Variants in CADM2 observed in about 807,000 individuals in gnomAD.
CADM2 encodes the protein cell adhesion molecule 2.
In CADM2, 12 loss-of-function variants were observed where a neutral mutation model predicts 49.8. The observed-to-expected ratio is 0.24, with a 90% CI of 0.15 to 0.39. The LOEUF (loss-of-function observed/expected upper bound fraction) is 0.39, where lower values mean the gene tolerates loss of function less well. Ranked by LOEUF, CADM2 falls within the 10% of genes least tolerant of loss-of-function variation. The probability of loss-of-function intolerance (pLI) is 1.00; values close to 1 mark genes in which losing one functional copy is unlikely to be tolerated. For synonymous variants in CADM2, 214 were observed against 175.4 expected (o/e 1.22, Z -1.74); for missense variants, 378 against 492.3 (o/e 0.77, Z 2.20).
At chr3:85,594,666 A>T (rs554682275) in intron 1 of CADM2, among the ~76,000 whole-genome samples, 1 of 152,128 alleles carries the variant, frequency 6.6e-6, no homozygotes, top group Admixed American at 6.6e-5. Context: ...ACAGAAATGC[A>T]AAAAGACAGA....
At position 85,961,516 on chromosome 3, in the gene CADM2, C is replaced by A; in HGVS notation, c.839C>A (p.Pro280His). ...WTKDGGELPD[P>H]DRMVVSGREL... ...AAGGATGGCGGAGAATTACCAGATC[C>A]TGACCGAATGGTTGTGAGTGGTAGG... The change falls in exon 8 of 10, where the codon CCT (proline) becomes CAT (histidine). Residue 280 changes from proline to histidine, a missense_variant. Coordinates refer to ENST00000383699, the MANE Select transcript of CADM2 (RefSeq NM_001167675.2). The A allele has an allele frequency of 6.2e-7, 1 of 1,607,414 alleles. No individual in the cohort carries two copies. Among genetic ancestry groups the A allele is most frequent in the Non-Finnish European group, 8.5e-7 (1 of 1,175,278 alleles).
intron 1 of CADM2, among the ~76,000 whole-genome samples, chr3:85,203,859 A>G (rs1458209480): frequency 1.3e-5 from 2 of 152,198 alleles, no homozygotes; most frequent in Non-Finnish European, 2.9e-5. Flanking sequence ...GTAATATGAA[A>G]TTGCCAATAA....
chr3:85,493,759 A>T (rs1011291069), intron 1 of CADM2, among the ~76,000 whole-genome samples: 2 of 152,174 alleles, frequency 1.3e-5, no homozygotes, highest in African/African-American at 4.8e-5. Context: ...TGCTGGTGTG[A>T]CTAAATTAAA....
intron 1 of CADM2, among the ~76,000 whole-genome samples, chr3:85,588,480 G>A (rs753411386): frequency 2.0e-5 from 3 of 152,004 alleles, no homozygotes; most frequent in South Asian, 2.1e-4. Context: ...CATTTTATAC[G>A]TTGAATTTAA....
At chr3:85,461,928 A>G (rs1231860776) in intron 1 of CADM2, among the ~76,000 whole-genome samples, 1 of 152,164 alleles carries the variant, frequency 6.6e-6, no homozygotes, top group Non-Finnish European at 1.5e-5. Flanking sequence ...AATGGCTATC[A>G]GGGGTCCGGA....
chr3:85,777,619 T>C (rs1332340648), intron 2 of CADM2, among the ~76,000 whole-genome samples: 1 of 152,180 alleles, frequency 6.6e-6, no homozygotes, highest in African/African-American at 2.4e-5. Context: ...TATATTCCTC[T>C]ACTATTCTTT....
At chr3:85,973,783 G>A (rs1330238599) in intron 8 of CADM2, among the ~76,000 whole-genome samples, 2 of 151,766 alleles carry the variant, frequency 1.3e-5, no homozygotes, top group African/African-American at 2.4e-5. Flanking sequence ...TCCCATAGCA[G>A]TATGTCATGA....
intron 1 of CADM2, among the ~76,000 whole-genome samples, chr3:85,193,762 C>T (rs2041270308): frequency 6.6e-6 from 1 of 152,082 alleles, no homozygotes; most frequent in African/African-American, 2.4e-5. Flanking sequence ...ATGTCTCCCT[C>T]TATTGTCCAC....
chr3:85,466,196 A>C (rs1257884825), intron 1 of CADM2, among the ~76,000 whole-genome samples: 1 of 152,134 alleles, frequency 6.6e-6, no homozygotes, highest in Non-Finnish European at 1.5e-5. Flanking sequence ...ATTATGTTAA[A>C]ATCTCATCTA....
intron 1 of CADM2, among the ~76,000 whole-genome samples, chr3:85,136,897 T>C (rs191299152): frequency 6.6e-6 from 1 of 152,122 alleles, no homozygotes; most frequent in Non-Finnish European, 1.5e-5. Flanking sequence ...TCAGTTTGCA[T>C]TGTAGCAACT....
intron 1 of CADM2, among the ~76,000 whole-genome samples, chr3:85,004,292 C>A (rs1283306009): frequency 6.6e-6 from 1 of 152,136 alleles, no homozygotes; most frequent in Non-Finnish European, 1.5e-5. Flanking sequence ...TCATTCTACA[C>A]ATCTGTTCGA....
chr3:85,737,884 T>C (rs1479342284), intron 2 of CADM2, among the ~76,000 whole-genome samples: 1 of 152,102 alleles, frequency 6.6e-6, no homozygotes, highest in African/African-American at 2.4e-5. Context: ...TTATGTGTTT[T>C]CCCATCTTGG....
At chr3:85,722,078 G>T (rs2067523416) in intron 1 of CADM2, among the ~76,000 whole-genome samples, 1 of 152,064 alleles carries the variant, frequency 6.6e-6, no homozygotes, top group African/African-American at 2.4e-5. Context: ...CCTTTCTGCA[G>T]CTCGTCTTCC....
intron 1 of CADM2, among the ~76,000 whole-genome samples, chr3:85,371,677 GTATATATATATA>G (rs1167720851): frequency 0.023 from 2,163 of 95,162 alleles, 86 homozygotes; most frequent in African/African-American, 0.078. Flanking sequence ...GTGTGTGTGT[GTATATATATATA>G]TATATATATA....
At chr3:85,134,695 A>G (rs549218799) in intron 1 of CADM2, among the ~76,000 whole-genome samples, 1 of 152,284 alleles carries the variant, frequency 6.6e-6, no homozygotes, top group South Asian at 2.1e-4. Flanking sequence ...TTTTTGCTAT[A>G]CACAGCTAAT....
At chr3:85,097,390 A>G (rs924654454) in intron 1 of CADM2, among the ~76,000 whole-genome samples, 23 of 152,220 alleles carry the variant, frequency 1.5e-4, no homozygotes, top group Non-Finnish European at 2.9e-4. Context: ...TTCTTAATCC[A>G]GTCTATCATT....
chr3:85,352,634 T>C (rs2031459461), intron 1 of CADM2, among the ~76,000 whole-genome samples: 1 of 152,136 alleles, frequency 6.6e-6, no homozygotes, highest in Admixed American at 6.6e-5. Flanking sequence ...GAAGATGATA[T>C]ATACACTTAC....
chr3:85,085,650 T>A (rs931115284), intron 1 of CADM2, among the ~76,000 whole-genome samples: 4 of 152,156 alleles, frequency 2.6e-5, no homozygotes, highest in African/African-American at 9.7e-5. Context: ...AAGTCTCTAT[T>A]GCTTTTCCCC....
intron 1 of CADM2, among the ~76,000 whole-genome samples, chr3:85,672,613 C>G (rs1405171930): frequency 6.6e-6 from 1 of 152,040 alleles, no homozygotes; most frequent in African/African-American, 2.4e-5. Flanking sequence ...AAAAAATAAA[C>G]TACATCCTTG....
Sources: gnomAD v4.1 joint callset for allele counts (sites outside exome capture counted in the v4.1 genomes callset) on GRCh38, gnomAD v4.1.1 for gene constraint, MANE v1.5 for transcripts, NCBI Gene and HGNC (gene_info 2026-07-23, HGNC 2026-07-21) for gene names.